The following DNAJC27 variants were observed in gnomAD, a reference collection of about 807,000 sequenced individuals.
DNAJC27 encodes the protein DnaJ heat shock protein family (Hsp40) member C27.
In DNAJC27, 25 loss-of-function variants were observed where a neutral mutation model predicts 31.4. That is an observed-to-expected ratio of 0.80 (90% CI 0.58 to 1.11). The LOEUF (loss-of-function observed/expected upper bound fraction) is 1.11, where lower values mean the gene tolerates loss of function less well. Among genes scored for constraint, DNAJC27 ranks in the 50% most tolerant of loss-of-function variants. DNAJC27 has a pLI of 0.00. For missense variants in DNAJC27, 356 were observed against 347.3 expected (o/e 1.02, Z -0.20); for synonymous variants, 106 against 112.7 (o/e 0.94, Z 0.37).
intron 5 of DNAJC27, among the ~76,000 whole-genome samples, chr2:24,954,249 G>A (rs1665850684): frequency 5.3e-5 from 8 of 152,164 alleles, no homozygotes; most frequent in Admixed American, 5.2e-4. Flanking sequence ...CTGCTATGGG[G>A]TTGAGAACAA....
At chr2:24,951,026 C>T (rs1052834753) in intron 6 of DNAJC27, among the ~76,000 whole-genome samples, 3 of 152,170 alleles carry the variant, frequency 2.0e-5, no homozygotes, top group African/African-American at 7.2e-5. Context: ...AGTTTTCCCA[C>T]CTATAAAATG....
chr2:24,958,588 C>T (rs1665966335), intron 3 of DNAJC27: 1 of 417,616 alleles, frequency 2.4e-6, no homozygotes, highest in Non-Finnish European at 5.0e-6. Flanking sequence ...CTCTCTGCGT[C>T]TCAGTTTCCT....
chr2:24,953,945 C>T (rs1056177694), intron 5 of DNAJC27, among the ~76,000 whole-genome samples: 4 of 152,158 alleles, frequency 2.6e-5, no homozygotes, highest in Non-Finnish European at 4.4e-5. Context: ...AAACTGTTGG[C>T]AGTGGACAAC....
Position 24,945,810 on chromosome 2 carries a change from T to C in DNAJC27, c.*1806A>G, listed in dbSNP as rs1292674386. 2.0e-5 allele frequency: 3 copies of C among 152,208 alleles called. No homozygotes were observed. The highest frequency in any genetic ancestry group is 4.4e-5 in the Non-Finnish European group (3 of 68,034). 9.4% of individuals were successfully genotyped at this position (152,208 alleles called of 1,614,324 possible). On this transcript the variant is annotated 3_prime_UTR_variant, in exon 7 of 7. Coordinates refer to ENST00000264711, the MANE Select transcript of DNAJC27 (RefSeq NM_016544.3). ...TCTGGTTTCCTGAAGACAAGCTCAGTGCAGCCCAAGTACAGGCATACAGTG... is the reference window on the plus strand; with the variant it reads ...TCTGGTTTCCTGAAGACAAGCTCAGCGCAGCCCAAGTACAGGCATACAGTG...
At chr2:24,969,731 T>TGCCTCC (rs1425287384) in intron 1 of DNAJC27, among the ~76,000 whole-genome samples, 1 of 152,178 alleles carries the variant, frequency 6.6e-6, no homozygotes, top group East Asian at 1.9e-4. Context: ...CACCTGCCTC[T>TGCCTCC]GCCTCCCAAA....
rs1227661368 is a variant in DNAJC27 at position 24,967,349 on chromosome 2, AATAAGT to A, written c.88-62_88-57del. On this transcript the variant is annotated intron_variant, in intron 1 of 6. Coordinates refer to ENST00000264711, the MANE Select transcript of DNAJC27 (RefSeq NM_016544.3). ...AAATACATAGTGAGAACACATACAGAATAAGTATATTTCTTCATTATGGTTCCTCCA... is the reference window on the plus strand; with the variant it reads ...AAATACATAGTGAGAACACATACAGAATATTTCTTCATTATGGTTCCTCCA... 8 of 1,200,676 alleles carry A rather than the reference AATAAGT, an allele frequency of 6.7e-6. No homozygotes were observed. In the African/African-American group the frequency reaches 7.8e-5, roughly 12 times the overall value. The allele number at this position is 1,200,676 out of a possible 1,614,324, so 74.4% of individuals were successfully genotyped here. A position where few individuals can be genotyped will look rare whatever the true frequency, so the allele number is the denominator to read the frequency against.
chr2:24,945,925 C>CT lies in DNAJC27; in HGVS notation c.*1690dup, dbSNP rs945085537. On this transcript the variant is annotated 3_prime_UTR_variant, in exon 7 of 7. Transcript: ENST00000264711. ...CTTCTTAGGAGGTAAGGTAGATGCTCTTTGGCAATCGATATGGGATAGCTT... is the reference window on the plus strand; with the variant it reads ...CTTCTTAGGAGGTAAGGTAGATGCTCTTTTGGCAATCGATATGGGATAGCTT... 1 of 152,152 alleles carries CT rather than the reference C, an allele frequency of 6.6e-6. No individual in the cohort carries two copies. The highest frequency in any genetic ancestry group is 2.4e-5 in the African/African-American group (1 of 41,420). The allele number at this position is 152,152 out of a possible 1,614,324, so 9.4% of individuals were successfully genotyped here.
chr2:24,964,142 C>T (rs1002178398), intron 2 of DNAJC27, among the ~76,000 whole-genome samples: 4 of 152,064 alleles, frequency 2.6e-5, no homozygotes, highest in East Asian at 1.9e-4. Flanking sequence ...AACACTAGGC[C>T]GGACACGGTG....
chr2:24,970,972 TACA>T (rs1666320022), intron 1 of DNAJC27, among the ~76,000 whole-genome samples: 2 of 152,196 alleles, frequency 1.3e-5, no homozygotes, highest in Admixed American at 1.3e-4. Context: ...TTTGAACGCA[TACA>T]ACGACGGAAA....
intron 6 of DNAJC27, 129 bp from the exon 7 acceptor site, chr2:24,947,877 G>T: frequency 9.3e-7 from 1 of 1,072,236 alleles, no homozygotes. Context: ...CTCAAAGGCA[G>T]GATTAAAGGA....
intron 1 of DNAJC27, 81 bp from the exon 2 acceptor site, chr2:24,967,374 T>A: frequency 2.8e-6 from 3 of 1,082,582 alleles, no homozygotes; most frequent in Non-Finnish European, 4.1e-6. Flanking sequence ...TCATTATGGT[T>A]CCTCCATTCA....
chr2:24,966,557 C>T (rs1033070845), intron 2 of DNAJC27, among the ~76,000 whole-genome samples: 1 of 152,094 alleles, frequency 6.6e-6, no homozygotes, highest in African/African-American at 2.4e-5. Flanking sequence ...CTCCCGGGTT[C>T]AAGTGATTCT....
At chr2:24,962,341 A>C (rs1573115299) in intron 3 of DNAJC27, among the ~76,000 whole-genome samples, 1 of 151,736 alleles carries the variant, frequency 6.6e-6, no homozygotes, top group African/African-American at 2.4e-5. Flanking sequence ...GATCCCTGCA[A>C]CCTCCGCCTG....
rs1281153960 is a variant in DNAJC27 at position 24,951,414 on chromosome 2, T to C, written c.669A>G (p.Gly223=). Residue 223 remains glycine (G), a synonymous_variant, in exon 6 of 7, where the codon GGA becomes GGG. Transcript: ENST00000264711. ...RNSKDSWDML[G]VKPGASRDEV... is the part of the protein sequence containing the mutation. Reference sequence around the variant, plus strand: ...CTTACCTTGAGGCCCCAGGTTTGACTCCCAGCATGTCCCAACTGTCTTTAC... The same window carrying C: ...CTTACCTTGAGGCCCCAGGTTTGACCCCCAGCATGTCCCAACTGTCTTTAC... 1 of 1,613,118 alleles carries C rather than the reference T, an allele frequency of 6.2e-7. No homozygotes were observed. Among genetic ancestry groups the C allele is most frequent in the Non-Finnish European group, 8.5e-7 (1 of 1,179,498 alleles).
At chr2:24,952,898 T>C (rs1348390179) in intron 5 of DNAJC27, among the ~76,000 whole-genome samples, 1 of 152,184 alleles carries the variant, frequency 6.6e-6, no homozygotes, top group Non-Finnish European at 1.5e-5. Flanking sequence ...TGCAAACTTC[T>C]TATTCTTTGC....
intron 1 of DNAJC27, 160 bp downstream of exon 1, chr2:24,971,658 G>A (rs1055526225): frequency 7.2e-6 from 4 of 554,550 alleles, no homozygotes; most frequent in Non-Finnish European, 1.3e-5. Flanking sequence ...AAAAGGTCGG[G>A]GAGTTTCGTT....
chr2:24,958,573 T>C (rs868064613), intron 3 of DNAJC27: 2 of 425,206 alleles, frequency 4.7e-6, no homozygotes, highest in Middle Eastern at 6.9e-4. Flanking sequence ...GGCAAGTCAC[T>C]TAACCTCTCT....
chr2:24,959,481 C>A (rs1665988907), intron 3 of DNAJC27, among the ~76,000 whole-genome samples: 1 of 152,168 alleles, frequency 6.6e-6, no homozygotes, highest in Non-Finnish European at 1.5e-5. Context: ...ATCTCAAATT[C>A]AATATGCACA....
At chr2:24,970,364 A>G (rs745989194) in intron 1 of DNAJC27, among the ~76,000 whole-genome samples, 8 of 151,818 alleles carry the variant, frequency 5.3e-5, no homozygotes, top group Non-Finnish European at 1.0e-4. Context: ...GTCTAATTGC[A>G]CTGGCTAATA....
Sources: gnomAD v4.1 joint callset for allele counts (sites outside exome capture counted in the v4.1 genomes callset) on GRCh38, gnomAD v4.1.1 for gene constraint, MANE v1.5 for transcripts, NCBI Gene and HGNC (gene_info 2026-07-23, HGNC 2026-07-21) for gene names.